Variants in SOX6 observed in about 807,000 individuals in gnomAD.
SOX6 encodes SRY-box transcription factor 6.
In SOX6, 11 loss-of-function variants were observed where a neutral mutation model predicts 97.8. The ratio of observed to expected loss-of-function variants is 0.11; its 90% confidence interval spans 0.07 to 0.19. The LOEUF (loss-of-function observed/expected upper bound fraction) is 0.19, where lower values mean the gene tolerates loss of function less well. Among genes scored for constraint, SOX6 ranks in the 10% least tolerant of loss-of-function variants. The pLI is 1.00. For missense variants in SOX6, 810 were observed against 1,039.5 expected (o/e 0.78, Z 3.04); for synonymous variants, 360 against 371.4 (o/e 0.97, Z 0.35).
At chr11:16,524,815 C>G (rs1357629852) in intron 4 of SOX6, among the ~76,000 whole-genome samples, 2 of 152,192 alleles carry the variant, frequency 1.3e-5, no homozygotes, top group African/African-American at 4.8e-5. Context: ...GCAAAAATCA[C>G]AAGCATTCTT....
chr11:16,647,091 G>C (rs1849026018), intron 3 of SOX6, among the ~76,000 whole-genome samples: 1 of 152,110 alleles, frequency 6.6e-6, no homozygotes, highest in African/African-American at 2.4e-5. Context: ...GCAGAAGTAA[G>C]GTAGTATTGC....
At position 16,234,631 on chromosome 11, in the gene SOX6, C is replaced by T. The variant is rs1207318394; in HGVS notation, c.486G>A (p.Lys162=). ...CMEKLLSKDW[K]EKMERLNTSE... The stretch of plus-strand genomic sequence containing the variant: ...TGGTATTTAGTCTTTCCATTTTTTC[C>T]TTCCAATCTTTTGAAAGTAGTTTTT... The change falls in exon 4 of 16, where the codon AAG becomes AAA. Residue 162 remains lysine, a synonymous_variant. Transcript: ENST00000683767. 1.3e-6 allele frequency: 2 copies of T among 1,598,120 alleles called. No homozygotes were observed. The highest frequency in any genetic ancestry group is 1.7e-5 in the Admixed American group (1 of 59,512).
chr11:16,225,664 G>A (rs1380030271), intron 4 of SOX6, among the ~76,000 whole-genome samples: 1 of 152,050 alleles, frequency 6.6e-6, no homozygotes, highest in African/African-American at 2.4e-5. Context: ...GATCCATCCT[G>A]ACCCTTTGGT....
intron 4 of SOX6, among the ~76,000 whole-genome samples, chr11:16,555,213 AAG>A: frequency 6.6e-6 from 1 of 152,050 alleles, no homozygotes; most frequent in South Asian, 2.1e-4. Flanking sequence ...TGGAATAAAA[AAG>A]AATTTTTAAC....
intron 1 of SOX6, among the ~76,000 whole-genome samples, chr11:16,363,560 A>G (rs997021336): frequency 6.6e-6 from 1 of 152,166 alleles, no homozygotes; most frequent in African/African-American, 2.4e-5. Context: ...AATAAATCAC[A>G]ATGGTAGGTG....
intron 3 of SOX6, among the ~76,000 whole-genome samples, chr11:16,680,413 G>A (rs1847917450): frequency 1.3e-5 from 2 of 152,198 alleles, no homozygotes; most frequent in South Asian, 4.1e-4. Context: ...AATGCTGAGA[G>A]ATTTTGTAAC....
At chr11:16,540,624 C>T (rs1861391440) in intron 4 of SOX6, among the ~76,000 whole-genome samples, 1 of 152,186 alleles carries the variant, frequency 6.6e-6, no homozygotes, top group South Asian at 2.1e-4. Context: ...TCAGCAAAGT[C>T]TCAGGATACA....
intron 4 of SOX6, among the ~76,000 whole-genome samples, chr11:16,188,258 A>G (rs1817465486): frequency 1.3e-5 from 2 of 151,134 alleles, no homozygotes; most frequent in Non-Finnish European, 2.9e-5. Context: ...AAAAGCTGTC[A>G]GTATCTCTTA....
At chr11:16,614,239 G>C (rs997777416) in intron 3 of SOX6, among the ~76,000 whole-genome samples, 3 of 152,074 alleles carry the variant, frequency 2.0e-5, no homozygotes, top group Non-Finnish European at 4.4e-5. Context: ...TCCCTTCTGC[G>C]GTGACCTCGG....
chr11:16,437,533 T>C (rs1859404689), intron 1 of SOX6, among the ~76,000 whole-genome samples: 1 of 152,174 alleles, frequency 6.6e-6, no homozygotes, highest in South Asian at 2.1e-4. Context: ...AGTAACTAGG[T>C]TCATAAGCTA....
intron 1 of SOX6, among the ~76,000 whole-genome samples, chr11:16,387,203 G>A (rs773016759): frequency 6.6e-6 from 1 of 152,142 alleles, no homozygotes; most frequent in Admixed American, 6.5e-5. Flanking sequence ...TGATTTAACT[G>A]ATTGAAGTGT....
intron 1 of SOX6, among the ~76,000 whole-genome samples, chr11:16,392,962 A>G (rs1352820940): frequency 6.6e-6 from 1 of 152,062 alleles, no homozygotes; most frequent in African/African-American, 2.4e-5. Context: ...ATAACTCAAC[A>G]TTTTAACCTG....
chr11:16,217,365 A>G (rs904099618), intron 4 of SOX6, among the ~76,000 whole-genome samples: 5 of 152,176 alleles, frequency 3.3e-5, no homozygotes, highest in African/African-American at 1.2e-4. Context: ...AGATAAAACT[A>G]AAGTTTCTTT....
intron 3 of SOX6, among the ~76,000 whole-genome samples, chr11:16,682,695 TC>T (rs1258575873): frequency 3.3e-5 from 5 of 152,186 alleles, no homozygotes; most frequent in African/African-American, 1.2e-4. Context: ...GGATGCCCTC[TC>T]CCATCACTCC....
rs145723900 is a variant in SOX6, at chr11:16,299,560, C to T, written c.445+18886G>A. Among the ~76,000 whole-genome samples the T allele has an allele frequency of 2.6e-3, 395 of 152,006 alleles. 3 individuals carry two copies. Among genetic ancestry groups the T allele is most frequent in the African/African-American group, 9.1e-3 (379 of 41,472 alleles). On this transcript the variant is annotated intron_variant, in intron 3 of 15. Coordinates refer to ENST00000683767, the MANE Select transcript of SOX6 (RefSeq NM_001367873.1). ...TTAACATTCTTTTTTTTAAAATCAC[C>T]ACACGCCTTTTCATTTAAGACTGGA...
At chr11:16,571,442 C>T (rs1847936865) in intron 4 of SOX6, among the ~76,000 whole-genome samples, 1 of 152,096 alleles carries the variant, frequency 6.6e-6, no homozygotes, top group Non-Finnish European at 1.5e-5. Context: ...TTTTTAGAGA[C>T]AGCATCTCAC....
intron 3 of SOX6, among the ~76,000 whole-genome samples, chr11:16,710,188 T>C (rs1247497553): frequency 1.3e-5 from 2 of 152,226 alleles, no homozygotes; most frequent in Non-Finnish European, 2.9e-5. Context: ...ATTAACATCT[T>C]GAAGGGAGAG....
At chr11:16,530,902 A>T (rs1861227720) in intron 4 of SOX6, among the ~76,000 whole-genome samples, 1 of 150,174 alleles carries the variant, frequency 6.7e-6, no homozygotes, top group South Asian at 2.1e-4. Context: ...CTAAGGAGAG[A>T]TATAGGAAAA....
chr11:16,323,207 T>C (rs901562768), intron 2 of SOX6, among the ~76,000 whole-genome samples: 2 of 152,046 alleles, frequency 1.3e-5, no homozygotes, highest in East Asian at 3.9e-4. Context: ...TTAAACACAA[T>C]ATGTAAAATA....
Sources: allele counts gnomAD v4.1 joint callset (sites outside exome capture counted in the v4.1 genomes callset), GRCh38; gene constraint gnomAD v4.1.1; transcripts MANE v1.5; gene names NCBI Gene and HGNC (gene_info 2026-07-23, HGNC 2026-07-21).